PRKX: variants seen among roughly 807,000 people sequenced by gnomAD.
PRKX encodes the protein protein kinase cAMP-dependent X-linked catalytic subunit.
A neutral mutation model predicts 22.0 loss-of-function variants in PRKX; 12 were observed. That is an observed-to-expected ratio of 0.54 (90% CI 0.35 to 0.88). The LOEUF (loss-of-function observed/expected upper bound fraction) is 0.88. PRKX is among the 40% of genes least tolerant of loss of function. The pLI is 0.01. For missense variants in PRKX, 217 were observed against 308.0 expected (o/e 0.70, Z 2.21); for synonymous variants, 134 against 137.7 (o/e 0.97, Z 0.19).
chrX:3,653,791 TATATATA>T (rs1298219796), intron 3 of PRKX, among the ~76,000 whole-genome samples: 1 of 68,197 alleles, frequency 1.5e-5, no homozygotes, highest in Non-Finnish European at 2.5e-5. Flanking sequence ...TACTATGTGA[TATATATA>T]ATATATATTA....
intron 4 of PRKX, among the ~76,000 whole-genome samples, chrX:3,628,875 A>C (rs1926712113): frequency 1.8e-5 from 2 of 111,152 alleles, no homozygotes; most frequent in South Asian, 7.7e-4. Flanking sequence ...ACCCGTCTCT[A>C]CTAAAAATAC....
In PRKX at chrX:3,641,986, G is replaced by A; in HGVS notation, c.600-15C>T. The A allele has an allele frequency of 1.3e-6, 1 of 780,712 alleles. No homozygotes were observed. Among genetic ancestry groups the A allele is most frequent in the Non-Finnish European group, 1.8e-6 (1 of 543,636 alleles). The allele number at this position is 780,712 out of a possible 1,213,427, so 64.3% of individuals were successfully genotyped here. The stretch of plus-strand genomic sequence containing the variant: ...GGGTCCAAGTCCTATATGGGCGACA[G>A]AGACAGGCCCCCACAACACTCAGTG... On this transcript the variant is annotated splice_polypyrimidine_tract_variant and intron_variant, in intron 3 of 8. Coordinates refer to ENST00000262848, the MANE Select transcript of PRKX (RefSeq NM_005044.5).
chrX:3,687,291 C>T (rs1284616526), intron 1 of PRKX, among the ~76,000 whole-genome samples: 3 of 112,098 alleles, frequency 2.7e-5, no homozygotes, highest in Non-Finnish European at 3.8e-5. Flanking sequence ...TGAGCCACTG[C>T]GCCCAGACTT....
In PRKX at chrX:3,608,856, G is replaced by A. The variant is rs1240313504; in HGVS notation, c.*113C>T. 8.9e-6 allele frequency: 1 copy of A among 112,005 alleles called. No homozygotes were observed. The highest frequency in any genetic ancestry group is 1.9e-5 in the Non-Finnish European group (1 of 53,271). The allele number at this position is 112,005 out of a possible 1,213,427, so 9.2% of individuals were successfully genotyped here. A position where few individuals can be genotyped will look rare whatever the true frequency, so the allele number is the denominator to read the frequency against. On this transcript the variant is annotated 3_prime_UTR_variant, in exon 9 of 9. Transcript: ENST00000262848. The stretch of plus-strand genomic sequence containing the variant: ...ATACACACAGGTACAGAGAAAAGTG[G>A]AGATGTCCTTATGCCGTGAAGAAGA...
chrX:3,618,631 TA>T (rs60775364), intron 6 of PRKX, among the ~76,000 whole-genome samples: 16 of 110,839 alleles, frequency 1.4e-4, no homozygotes, highest in South Asian at 3.8e-4. Context: ...AAAAAAAAAA[TA>T]AAATAAAGTC....
At chrX:3,653,344 G>A (rs187776618) in intron 3 of PRKX, among the ~76,000 whole-genome samples, 130 of 109,935 alleles carry the variant, frequency 1.2e-3, no homozygotes, top group Admixed American at 3.9e-3. Context: ...GTCGCACCTC[G>A]ATCTCGGACT....
In PRKX at chrX:3,675,565, C is replaced by G. The variant is rs188777811; in HGVS notation, c.167-799G>C. Among the ~76,000 whole-genome samples the G allele has an allele frequency of 1.2e-4, 13 of 110,094 alleles. No homozygotes were observed. The East Asian group carries it at 3.7e-3, about 32-fold the overall frequency. The stretch of plus-strand genomic sequence containing the variant: ...TCCACTTCTTCCTCCTCCTCCATCT[C>G]CTCCTCCTCTCCCTCCTCTTCCTCC... On this transcript the variant is annotated intron_variant, in intron 1 of 8. Transcript: ENST00000262848.
intron 2 of PRKX, among the ~76,000 whole-genome samples, chrX:3,656,194 C>G (rs1927477609): frequency 9.0e-6 from 1 of 110,575 alleles, no homozygotes; most frequent in Non-Finnish European, 1.9e-5. Context: ...ATAGATGTTA[C>G]AATATGGGTG....
intron 2 of PRKX, among the ~76,000 whole-genome samples, chrX:3,657,607 T>C (rs1348964647): frequency 8.9e-6 from 1 of 112,511 alleles, no homozygotes; most frequent in Non-Finnish European, 1.9e-5. Flanking sequence ...CACACCTGAT[T>C]CAGTAACCTG....
chrX:3,656,538 G>A (rs1927484773), intron 2 of PRKX, among the ~76,000 whole-genome samples: 1 of 111,379 alleles, frequency 9.0e-6, no homozygotes, highest in Admixed American at 9.5e-5. Flanking sequence ...GCTAATATAT[G>A]TGATAGACAG....
chrX:3,653,941 GAT>G (rs1170410180), intron 3 of PRKX, among the ~76,000 whole-genome samples: 7 of 74,449 alleles, frequency 9.4e-5, no homozygotes, highest in African/African-American at 4.1e-4. Context: ...TATACTATGT[GAT>G]ATATATAATA....
intron 3 of PRKX, among the ~76,000 whole-genome samples, chrX:3,645,060 G>A (rs1927161029): frequency 8.9e-6 from 1 of 111,790 alleles, no homozygotes; most frequent in African/African-American, 3.3e-5. Flanking sequence ...AATGTACAGA[G>A]AGACATACGC....
intron 1 of PRKX, among the ~76,000 whole-genome samples, chrX:3,683,056 G>A (rs945956293): frequency 8.9e-6 from 1 of 111,796 alleles, no homozygotes; most frequent in Non-Finnish European, 1.9e-5. Context: ...CAGGAGCTGG[G>A]AGAGGCAGGA....
chrX:3,637,317 C>T (rs922088946), intron 4 of PRKX, among the ~76,000 whole-genome samples: 3 of 111,318 alleles, frequency 2.7e-5, no homozygotes, highest in Non-Finnish European at 3.8e-5. Context: ...AACGAGCCTC[C>T]GATTCTGCTC....
rs1928833138 is a variant in PRKX, at chrX:3,713,273, G to A, written c.-20C>T. On this transcript the variant is annotated 5_prime_UTR_variant, in exon 1 of 9. Coordinates refer to ENST00000262848, the MANE Select transcript of PRKX (RefSeq NM_005044.5). ...CTCCATGGGGACGCACTCAGGTCCG[G>A]GGCACCGGGCCAGGCCGGAGCGCTC... 9.9e-7 allele frequency: 1 copy of A among 1,011,016 alleles called. No homozygotes were observed. The highest frequency in any genetic ancestry group is 1.2e-6 in the Non-Finnish European group (1 of 804,212). The allele number at this position is 1,011,016 out of a possible 1,213,427, so 83.3% of individuals were successfully genotyped here.
At chrX:3,637,036 A>C (rs1444137144) in intron 4 of PRKX, among the ~76,000 whole-genome samples, 2 of 101,333 alleles carry the variant, frequency 2.0e-5, no homozygotes, top group Non-Finnish European at 4.0e-5. Flanking sequence ...AAGGAAAGGA[A>C]GAAGGGAAGG....
chrX:3,622,613 C>A (rs1463983747), intron 5 of PRKX, among the ~76,000 whole-genome samples: 1 of 111,177 alleles, frequency 9.0e-6, no homozygotes, highest in Admixed American at 9.7e-5. Context: ...TGCCACCATG[C>A]TTTCTGAATT....
chrX:3,713,375 T>G lies in PRKX; in HGVS notation c.-122A>C. 4 of 576,918 alleles carry G rather than the reference T, an allele frequency of 6.9e-6. No homozygotes were observed. The highest frequency in any genetic ancestry group is 9.3e-6 in the Non-Finnish European group (4 of 428,672). The allele number at this position is 576,918 out of a possible 1,213,427, so 47.5% of individuals were successfully genotyped here. On this transcript the variant is annotated 5_prime_UTR_variant, in exon 1 of 9. Transcript: ENST00000262848. ...ATCAACAGAGGCTCCCCATGCGCGC[T>G]CTCGCCTCCTGGTGCGCGGTCCGGC... is the stretch of plus-strand genomic sequence containing the variant.
intron 1 of PRKX, among the ~76,000 whole-genome samples, chrX:3,711,839 T>A (rs6567594): frequency 0.46 from 49,449 of 106,533 alleles, 9,141 homozygotes; most frequent in African/African-American, 0.66. Flanking sequence ...GCAGAGAGAC[T>A]TGAACAGAGA....
Sources: allele counts gnomAD v4.1 joint callset (sites outside exome capture counted in the v4.1 genomes callset), GRCh38; gene constraint gnomAD v4.1.1; transcripts MANE v1.5; gene names NCBI Gene and HGNC (gene_info 2026-07-23, HGNC 2026-07-21).